Variants in PTPRD observed in about 807,000 individuals in gnomAD.
The protein encoded by PTPRD is protein tyrosine phosphatase receptor type D.
PTPRD carries 34 observed loss-of-function variants against 214.5 expected under a neutral mutation model. That is an observed-to-expected ratio of 0.16 (90% CI 0.12 to 0.21). PTPRD has a LOEUF of 0.21. Among genes scored for constraint, PTPRD ranks in the 10% least tolerant of loss-of-function variants. The pLI, the probability that PTPRD is intolerant of heterozygous loss-of-function variation, is 1.00. For missense variants in PTPRD, 2,545 were observed against 2,398.7 expected (o/e 1.06, Z -1.27); for synonymous variants, 1,128 against 845.7 (o/e 1.33, Z -5.79).
intron 2 of PTPRD, among the ~76,000 whole-genome samples, chr9:10,372,737 T>A (rs544505390): frequency 3.0e-4 from 46 of 152,070 alleles, no homozygotes; most frequent in African/African-American, 1.1e-3. Flanking sequence ...TAACTAGCGT[T>A]CTTGTTAATG....
chr9:10,209,944 AAACAATGT>A lies in PTPRD; in HGVS notation c.-545+131011_-545+131018del, dbSNP rs1322360901. Among the ~76,000 whole-genome samples the A allele has an allele frequency of 5.3e-5, 8 of 152,290 alleles. No homozygotes were observed. The South Asian group carries it at 1.0e-3, about 20-fold the overall frequency. ...GACAAATAAGTACAATATTTCTAGA[AAACAATGT>A]AACAATCAGTACCAAGAATCAATGT... On this transcript the variant is annotated intron_variant, in intron 3 of 45. Coordinates refer to ENST00000381196, the MANE Select transcript of PTPRD (RefSeq NM_002839.4).
intron 12 of PTPRD, among the ~76,000 whole-genome samples, chr9:8,668,009 A>C (rs1212700084): frequency 6.6e-6 from 1 of 152,198 alleles, no homozygotes; most frequent in African/African-American, 2.4e-5. Context: ...CTAATTAGAA[A>C]ATAAACTATA....
intron 11 of PTPRD, among the ~76,000 whole-genome samples, chr9:9,017,591 T>C (rs1430535547): frequency 6.6e-6 from 1 of 152,196 alleles, no homozygotes; most frequent in Non-Finnish European, 1.5e-5. Context: ...AGTGATTTCA[T>C]AAATATAGAA....
At chr9:9,553,382 C>T (rs918588373) in intron 8 of PTPRD, among the ~76,000 whole-genome samples, 2 of 152,010 alleles carry the variant, frequency 1.3e-5, no homozygotes, top group African/African-American at 2.4e-5. Context: ...TTGTACAAAC[C>T]TAATCACTTA....
At chr9:8,472,586 A>G (rs940085385) in intron 30 of PTPRD, among the ~76,000 whole-genome samples, 2 of 152,224 alleles carry the variant, frequency 1.3e-5, no homozygotes, top group East Asian at 1.9e-4. Flanking sequence ...ACTGGGACGC[A>G]CTGTAAATGT....
chr9:9,497,317 A>G (rs2096238889), intron 8 of PTPRD, among the ~76,000 whole-genome samples: 1 of 152,166 alleles, frequency 6.6e-6, no homozygotes, highest in Admixed American at 6.5e-5. Flanking sequence ...AACTGACTTA[A>G]CTATCTGGTC....
rs187108573 is a variant in PTPRD, at chr9:10,253,095, T to G, written c.-545+87868A>C. On this transcript the variant is annotated intron_variant, in intron 3 of 45. Transcript: ENST00000381196. ...ACTGTGCCTGGCCACGTATTTTATT[T>G]TATTTTTTCTAAATGAATAGACCTT... Among the ~76,000 whole-genome samples, 60 of 152,276 alleles carry G rather than the reference T, an allele frequency of 3.9e-4. No individual in the cohort carries two copies. In the East Asian group the frequency reaches 9.3e-3, roughly 24 times the overall value.
chr9:10,344,543 G>A (rs538132156), intron 2 of PTPRD, among the ~76,000 whole-genome samples: 3 of 152,184 alleles, frequency 2.0e-5, no homozygotes, highest in Non-Finnish European at 2.9e-5. Flanking sequence ...AAACTTTAAA[G>A]TAGTTTTTTT....
chr9:8,345,857 C>G (rs188678252), intron 39 of PTPRD, among the ~76,000 whole-genome samples: 191 of 152,168 alleles, frequency 1.3e-3, no homozygotes, highest in African/African-American at 4.3e-3. Flanking sequence ...CTACCTGCCT[C>G]TCTGGATTCT....
chr9:8,400,793 C>T (rs1386726927), intron 36 of PTPRD, among the ~76,000 whole-genome samples: 2 of 152,082 alleles, frequency 1.3e-5, no homozygotes, highest in African/African-American at 4.8e-5. Context: ...AATGTGAATA[C>T]CTATATATCT....
chr9:10,219,828 G>C (rs2099558506), intron 3 of PTPRD, among the ~76,000 whole-genome samples: 1 of 151,320 alleles, frequency 6.6e-6, no homozygotes, highest in Non-Finnish European at 1.5e-5. Context: ...CTATTTTGTG[G>C]CTGTTAGCCA....
chr9:10,043,394 T>A (rs1203273742), intron 3 of PTPRD, among the ~76,000 whole-genome samples: 1 of 151,840 alleles, frequency 6.6e-6, no homozygotes, highest in Non-Finnish European at 1.5e-5. Context: ...TCTCTTTAAA[T>A]GTGATGTTTT....
intron 39 of PTPRD, among the ~76,000 whole-genome samples, chr9:8,342,715 CTTCA>C (rs1853663175): frequency 6.6e-6 from 1 of 152,034 alleles, no homozygotes; most frequent in Admixed American, 6.6e-5. Flanking sequence ...CTGTCCATTT[CTTCA>C]TTCAATAAAC....
At chr9:9,320,772 G>A (rs1348108096) in intron 9 of PTPRD, among the ~76,000 whole-genome samples, 2 of 152,156 alleles carry the variant, frequency 1.3e-5, no homozygotes, top group Admixed American at 6.5e-5. Context: ...TGGCTTCTAA[G>A]TTTTCTACTT....
intron 11 of PTPRD, among the ~76,000 whole-genome samples, chr9:8,813,165 C>T (rs1238554981): frequency 2.0e-5 from 3 of 152,022 alleles, no homozygotes; most frequent in Non-Finnish European, 2.9e-5. Context: ...GGCAGTACTC[C>T]AGTGGACATT....
At chr9:10,217,039 A>G (rs1268043986) in intron 3 of PTPRD, among the ~76,000 whole-genome samples, 1 of 151,988 alleles carries the variant, frequency 6.6e-6, no homozygotes, top group East Asian at 1.9e-4. Flanking sequence ...GACAATAATG[A>G]TTACAATACA....
intron 11 of PTPRD, among the ~76,000 whole-genome samples, chr9:8,889,576 C>T (rs2098520302): frequency 6.6e-6 from 1 of 152,144 alleles, no homozygotes; most frequent in Admixed American, 6.5e-5. Flanking sequence ...GAGCAGTGTA[C>T]ACTGTGCTCA....
intron 3 of PTPRD, among the ~76,000 whole-genome samples, chr9:10,121,349 G>T (rs957297319): frequency 1.3e-5 from 2 of 152,124 alleles, no homozygotes; most frequent in Admixed American, 6.6e-5. Context: ...TTTGGAAGCA[G>T]ATTTATTTCC....
intron 3 of PTPRD, among the ~76,000 whole-genome samples, chr9:10,060,943 T>TCTTTCTTTCTTTCTTTCTCTCTCTTC (rs1555532016): frequency 1.4e-5 from 2 of 142,822 alleles, no homozygotes; most frequent in Non-Finnish European, 3.0e-5. Context: ...TTTCTTTCTT[T>TCTTTCTTTCTTTCTTTCTCTCTCTTC]CTTTCTTTCT....
Sources: gnomAD v4.1 joint callset for allele counts (sites outside exome capture counted in the v4.1 genomes callset) on GRCh38, gnomAD v4.1.1 for gene constraint, MANE v1.5 for transcripts, NCBI Gene and HGNC (gene_info 2026-07-23, HGNC 2026-07-21) for gene names.